Variants in GALNT13 observed in about 807,000 individuals in gnomAD.
The protein encoded by GALNT13 is UDP-GalNAc:polypeptide N-acetylgalactosaminyltransferase 13.
GALNT13 carries 28 observed loss-of-function variants against 64.2 expected under a neutral mutation model. The ratio of observed to expected loss-of-function variants is 0.44; its 90% CI spans 0.32 to 0.60. The LOEUF (loss-of-function observed/expected upper bound fraction) is 0.60, where lower values mean the gene tolerates loss of function less well. Among genes scored for constraint, GALNT13 ranks in the 20% least tolerant of loss-of-function variants. The pLI is 0.05. For missense variants in GALNT13, 577 were observed against 669.8 expected (o/e 0.86, Z 1.53); for synonymous variants, 214 against 224.6 (o/e 0.95, Z 0.42).
intron 3 of GALNT13, among the ~76,000 whole-genome samples, chr2:154,044,757 C>T (rs1004535567): frequency 3.9e-5 from 6 of 152,174 alleles, no homozygotes; most frequent in Non-Finnish European, 8.8e-5. Context: ...GCTAATTGAA[C>T]ACTTAAGGGG....
the GALNT13 span, among the ~76,000 whole-genome samples, chr2:153,433,255 A>T: frequency 6.6e-6 from 1 of 152,226 alleles, no homozygotes; most frequent in Non-Finnish European, 1.5e-5. Flanking sequence ...AAAAAATAAG[A>T]AATTGTGGTC....
At chr2:154,105,139 A>T (rs1702546718) in intron 3 of GALNT13, among the ~76,000 whole-genome samples, 1 of 151,650 alleles carries the variant, frequency 6.6e-6, no homozygotes, top group Non-Finnish European at 1.5e-5. Flanking sequence ...TTTCTGCACC[A>T]CAGATGCTTC....
At chr2:153,377,534 A>C in the GALNT13 span, among the ~76,000 whole-genome samples, 1 of 152,090 alleles carries the variant, frequency 6.6e-6, no homozygotes, top group Non-Finnish European at 1.5e-5. Flanking sequence ...GCGAGTTGTT[A>C]AAGCCTGGCA....
intron 3 of GALNT13, among the ~76,000 whole-genome samples, chr2:154,040,563 A>G (rs1698916818): frequency 7.1e-6 from 1 of 140,598 alleles, no homozygotes; most frequent in Non-Finnish European, 1.6e-5. Flanking sequence ...AATAGTGCTA[A>G]TACTTCTTGG....
chr2:153,437,055 C>G, the GALNT13 span, among the ~76,000 whole-genome samples: 1 of 152,082 alleles, frequency 6.6e-6, no homozygotes, highest in East Asian at 1.9e-4. Flanking sequence ...CAAAGAACAT[C>G]TTTATTTTAG....
intron 2 of GALNT13, among the ~76,000 whole-genome samples, chr2:153,929,409 T>C (rs182395729): frequency 6.6e-6 from 1 of 152,284 alleles, no homozygotes; most frequent in Admixed American, 6.5e-5. Context: ...GTAAATTACA[T>C]GTTGTGGAGG....
At chr2:154,193,485 C>T (rs1165497230) in intron 4 of GALNT13, among the ~76,000 whole-genome samples, 2 of 152,150 alleles carry the variant, frequency 1.3e-5, no homozygotes, top group East Asian at 1.9e-4. Context: ...GTGACCATGA[C>T]GAAACATCAC....
chr2:153,670,536 C>T, the GALNT13 span, among the ~76,000 whole-genome samples: 3 of 152,204 alleles, frequency 2.0e-5, no homozygotes, highest in Non-Finnish European at 4.4e-5. Flanking sequence ...CACCAAAACC[C>T]TATCCATACC....
chr2:153,542,178 G>T, the GALNT13 span, among the ~76,000 whole-genome samples: 3 of 152,062 alleles, frequency 2.0e-5, no homozygotes, highest in African/African-American at 7.2e-5. Context: ...AAATTAGCCA[G>T]TCGTGGTGGC....
the GALNT13 span, among the ~76,000 whole-genome samples, chr2:153,820,822 C>T: frequency 6.6e-6 from 1 of 152,026 alleles, no homozygotes; most frequent in Non-Finnish European, 1.5e-5. Context: ...TACGAAACAA[C>T]CAGCTACAAA....
chr2:153,158,541 G>A, the GALNT13 span, among the ~76,000 whole-genome samples: 18 of 152,134 alleles, frequency 1.2e-4, no homozygotes, highest in East Asian at 2.9e-3. Flanking sequence ...AACATCTTAC[G>A]AGAGGATTCA....
At chr2:153,532,333 C>T in the GALNT13 span, among the ~76,000 whole-genome samples, 2 of 152,136 alleles carry the variant, frequency 1.3e-5, no homozygotes, top group Admixed American at 1.3e-4. Flanking sequence ...TTTTGAGCCA[C>T]GGCTAGAGCT....
chr2:154,243,874 A>C (rs565467424), intron 6 of GALNT13, among the ~76,000 whole-genome samples: 1 of 152,318 alleles, frequency 6.6e-6, no homozygotes, highest in East Asian at 1.9e-4. Context: ...CACATCACTT[A>C]AACAGCAGGA....
In GALNT13 at chr2:154,393,144, C is replaced by T. The variant is rs138088034; in HGVS notation, c.1157-2847C>T. ...AATTATTGGGTAAACAATTGGATAACCTACTTTGAAGAGGTTTGAGTTGCA... is the reference window on the plus strand; with the variant it reads ...AATTATTGGGTAAACAATTGGATAATCTACTTTGAAGAGGTTTGAGTTGCA... On this transcript the variant is annotated intron_variant, in intron 9 of 12. Transcript: ENST00000392825. 2.8e-3 allele frequency among the ~76,000 whole-genome samples: 428 copies of T among 152,202 alleles called. 2 individuals are homozygous for T. Among genetic ancestry groups the T allele is most frequent in the African/African-American group, 9.8e-3 (406 of 41,536 alleles).
At chr2:153,434,612 T>C in the GALNT13 span, among the ~76,000 whole-genome samples, 2 of 152,218 alleles carry the variant, frequency 1.3e-5, no homozygotes, top group Non-Finnish European at 2.9e-5. Context: ...GTTTTTTGGC[T>C]GCATAAATGT....
In GALNT13 at chr2:154,004,267, G is replaced by A. The variant is rs534524248; in HGVS notation, c.142+59628G>A. ...TGTCTCCAGGCTGGAGTGCAGTGGT[G>A]TGATCTCAGCTCACTGCAACCTCCA... On this transcript the variant is annotated intron_variant, in intron 3 of 12. Coordinates refer to ENST00000392825, the MANE Select transcript of GALNT13 (RefSeq NM_052917.4). 1.1e-4 allele frequency among the ~76,000 whole-genome samples: 17 copies of A among 151,820 alleles called. No individual in the cohort carries two copies. The East Asian group carries it at 3.1e-3, about 28-fold the overall frequency.
At chr2:154,290,410 A>C (rs1314713066) in intron 8 of GALNT13, among the ~76,000 whole-genome samples, 1 of 152,230 alleles carries the variant, frequency 6.6e-6, no homozygotes, top group African/African-American at 2.4e-5. Flanking sequence ...GAACTTTTAC[A>C]TCTCTCTTGC....
At chr2:153,359,515 A>G in the GALNT13 span, among the ~76,000 whole-genome samples, 2 of 151,870 alleles carry the variant, frequency 1.3e-5, no homozygotes, top group South Asian at 4.2e-4. Context: ...AATCCATTGG[A>G]TGCAGCACAA....
At chr2:153,709,228 C>T in the GALNT13 span, among the ~76,000 whole-genome samples, 59 of 151,992 alleles carry the variant, frequency 3.9e-4, 1 homozygote, top group South Asian at 0.012. Context: ...TAACCACTTA[C>T]AACTGAATGC....
Sources: gnomAD v4.1 joint callset for allele counts (sites outside exome capture counted in the v4.1 genomes callset) on GRCh38, gnomAD v4.1.1 for gene constraint, MANE v1.5 for transcripts, NCBI Gene and HGNC (gene_info 2026-07-23, HGNC 2026-07-21) for gene names.